PTPN3: variants seen among roughly 807,000 people sequenced by gnomAD.
PTPN3 encodes the protein tyrosine-protein phosphatase non-receptor type 3.
In PTPN3, 96 loss-of-function variants were observed where a neutral mutation model predicts 132.7. The observed-to-expected ratio is 0.72, with a 90% CI of 0.61 to 0.86. The LOEUF (loss-of-function observed/expected upper bound fraction) is 0.86. Ranked by LOEUF, PTPN3 falls within the 40% of genes least tolerant of loss-of-function variation. The pLI is 0.00. For missense variants in PTPN3, 1,125 were observed against 1,159.6 expected (o/e 0.97, Z 0.43); for synonymous variants, 398 against 429.0 (o/e 0.93, Z 0.89).
chr9:109,416,431 TG>T (rs764510318), intron 14 of PTPN3, among the ~76,000 whole-genome samples: 4,779 of 150,958 alleles, frequency 0.032, 114 homozygotes, highest in East Asian at 0.13. Context: ...AGAAGTTTTT[TG>T]TTTTTTGTTT....
At chr9:109,531,474 C>T in the PTPN3 span, among the ~76,000 whole-genome samples, 25 of 152,206 alleles carry the variant, frequency 1.6e-4, no homozygotes, top group Non-Finnish European at 3.5e-4. Flanking sequence ...TCAGTTGGTT[C>T]TTGCTCAAAA....
chr9:109,445,401 A>G, intron 6 of PTPN3, 109 bp from the exon 7 acceptor site: 1 of 1,003,704 alleles, frequency 1.0e-6, no homozygotes, highest in Non-Finnish European at 1.5e-6. Flanking sequence ...ATCAACCATT[A>G]CAAAACAACA....
intron 10 of PTPN3, 134 bp from the exon 11 acceptor site, chr9:109,428,818 T>G: frequency 7.0e-7 from 1 of 1,433,176 alleles, no homozygotes; most frequent in Non-Finnish European, 9.1e-7. Flanking sequence ...AGTTTACTTC[T>G]CTGTAGAAAT....
At position 109,421,203 on chromosome 9, in the gene PTPN3, C is replaced by T. The variant is rs1357474351; in HGVS notation, c.1137-603G>A. Among the ~76,000 whole-genome samples, 5 of 152,174 alleles carry T rather than the reference C, an allele frequency of 3.3e-5. No homozygotes were observed. In the East Asian group the frequency reaches 5.8e-4, roughly 18 times the overall value. ...TAGGCATGTGACCTTGGGCAAGGCA[C>T]GTCACCTCTCTGGGCCTCGGCTGTA... On this transcript the variant is annotated intron_variant, in intron 13 of 25. Coordinates refer to ENST00000374541, the MANE Select transcript of PTPN3 (RefSeq NM_002829.4).
chr9:109,533,474 G>C, the PTPN3 span: 1 of 1,578,268 alleles, frequency 6.3e-7, no homozygotes, highest in Non-Finnish European at 8.7e-7. Context: ...TGTCTGCGTC[G>C]GTAAGTTGCG....
chr9:109,443,836 A>G (rs1339904327), intron 7 of PTPN3, among the ~76,000 whole-genome samples: 3 of 152,162 alleles, frequency 2.0e-5, no homozygotes, highest in African/African-American at 4.8e-5. Flanking sequence ...GCAGGTATCG[A>G]TGGAGAGACT....
rs1225490459 is a variant in PTPN3, at chr9:109,382,423, G to A, written c.2407C>T (p.His803Tyr). ...TCAGGCCATGCGACGTACTGGAGATGTGTCACTGTGTGTTCTTCCCCGGTC... is the reference window on the plus strand; with the variant it reads ...TCAGGCCATGCGACGTACTGGAGATATGTCACTGTGTGTTCTTCCCCGGTC... Reference protein sequence around the residue: ...TQTGEEHTVTHLQYVAWPDHG... With the variant: ...TQTGEEHTVTYLQYVAWPDHG... The change falls in exon 24 of 26, where the codon CAT becomes TAT. Residue 803 changes from histidine (H) to tyrosine (Y), a missense_variant. Transcript: ENST00000374541. The A allele has an allele frequency of 3.1e-6, 5 of 1,614,226 alleles. No individual in the cohort carries two copies. Among genetic ancestry groups the A allele is most frequent in the African/African-American group, 1.3e-5 (1 of 75,056 alleles).
At chr9:109,420,384 A>G (rs1842808418) in intron 14 of PTPN3, 40 bp downstream of exon 14, 2 of 1,546,026 alleles carry the variant, frequency 1.3e-6, no homozygotes, top group South Asian at 2.5e-5. Flanking sequence ...CAACAGCCAA[A>G]AAGCAAATAC....
At chr9:109,423,280 T>A (rs1439734756) in intron 12 of PTPN3, among the ~76,000 whole-genome samples, 1 of 152,188 alleles carries the variant, frequency 6.6e-6, no homozygotes, top group African/African-American at 2.4e-5. Flanking sequence ...CACTGGTAAA[T>A]CTTTGAGAGA....
intron 2 of PTPN3, among the ~76,000 whole-genome samples, chr9:109,460,768 C>T (rs570657055): frequency 3.9e-5 from 6 of 152,270 alleles, no homozygotes; most frequent in South Asian, 2.1e-4. Context: ...CTGCAAAGCC[C>T]GACTCAGCAC....
chr9:109,509,149 G>T, the PTPN3 span, among the ~76,000 whole-genome samples: 1 of 152,142 alleles, frequency 6.6e-6, no homozygotes, highest in South Asian at 2.1e-4. Context: ...TTGAGCAGAA[G>T]AATTAAAAAG....
chr9:109,504,272 A>G, the PTPN3 span, among the ~76,000 whole-genome samples: 1 of 152,210 alleles, frequency 6.6e-6, no homozygotes, highest in Non-Finnish European at 1.5e-5. Flanking sequence ...GAGAGGTATC[A>G]GGCACCAGAC....
At chr9:109,529,495 G>A in the PTPN3 span, among the ~76,000 whole-genome samples, 1 of 152,184 alleles carries the variant, frequency 6.6e-6, no homozygotes, top group Non-Finnish European at 1.5e-5. Context: ...AGGAATTCTT[G>A]TGAGTATTTC....
intron 19 of PTPN3, among the ~76,000 whole-genome samples, chr9:109,404,049 T>C (rs1335527890): frequency 6.7e-6 from 1 of 149,316 alleles, no homozygotes; most frequent in Admixed American, 6.6e-5. Flanking sequence ...ACCTCTCCAC[T>C]GCCTTCCACT....
intron 1 of PTPN3, among the ~76,000 whole-genome samples, chr9:109,470,722 T>A (rs572176523): frequency 1.3e-5 from 2 of 151,628 alleles, no homozygotes; most frequent in Non-Finnish European, 2.9e-5. Context: ...TACAAACACT[T>A]GGGTGGGGAT....
chr9:109,440,645 G>A (rs2131950347), intron 7 of PTPN3, among the ~76,000 whole-genome samples: 1 of 152,316 alleles, frequency 6.6e-6, no homozygotes, highest in South Asian at 2.1e-4. Flanking sequence ...CCTCAAGGTG[G>A]AGTCCTATGA....
chr9:109,381,546 T>A, intron 25 of PTPN3, 106 bp downstream of exon 25: 1 of 1,469,030 alleles, frequency 6.8e-7, no homozygotes, highest in South Asian at 1.2e-5. Context: ...AGTGATTCAG[T>A]CCCCCTGAGC....
chr9:109,499,492 C>G (rs953913045), upstream of PTPN3, among the ~76,000 whole-genome samples: 2 of 152,224 alleles, frequency 1.3e-5, no homozygotes, highest in Admixed American at 6.5e-5. Flanking sequence ...GTTTAATTCT[C>G]ATGTTGTATT....
At chr9:109,468,424 T>G (rs1388496739) in intron 1 of PTPN3, among the ~76,000 whole-genome samples, 1 of 152,152 alleles carries the variant, frequency 6.6e-6, no homozygotes, top group Admixed American at 6.5e-5. Context: ...TGGAGTACAG[T>G]GGCGTGATCT....
Sources: gnomAD v4.1 joint callset for allele counts (sites outside exome capture counted in the v4.1 genomes callset) on GRCh38, gnomAD v4.1.1 for gene constraint, MANE v1.5 for transcripts, NCBI Gene and HGNC (gene_info 2026-07-23, HGNC 2026-07-21) for gene names.